ACOT7: variants seen among roughly 807,000 people sequenced by gnomAD.
The protein encoded by ACOT7 is cytosolic acyl coenzyme A thioester hydrolase.
ACOT7 carries 12 observed loss-of-function variants against 40.2 expected under a neutral mutation model. The ratio of observed to expected loss-of-function variants is 0.30; its 90% CI spans 0.19 to 0.48. The LOEUF (loss-of-function observed/expected upper bound fraction) is 0.48. Among genes scored for constraint, ACOT7 ranks in the 20% least tolerant of loss-of-function variants. The pLI is 0.99. For synonymous variants in ACOT7, 228 were observed against 219.5 expected (o/e 1.04, Z -0.34); for missense variants, 395 against 530.8 (o/e 0.74, Z 2.51).
intron 7 of ACOT7, among the ~76,000 whole-genome samples, chr1:6,287,191 T>C (rs1212411920): frequency 6.6e-5 from 10 of 152,250 alleles, no homozygotes. Flanking sequence ...AAGGTGGCTG[T>C]AGCCGCATGT....
Position 6,294,984 on chromosome 1 carries a change from C to A in ACOT7, c.713-4G>T. On this transcript the variant is annotated splice_polypyrimidine_tract_variant and splice_region_variant and intron_variant, in intron 6 of 8. Coordinates refer to ENST00000361521, the MANE Select transcript of ACOT7 (RefSeq NM_007274.4). This position sits in a 1 kb window ranked among gnomAD's most constrained non-coding sequence, Gnocchi z 4.6. ...TCCATGAGCTTCATGGTCACACCTGCGGAGAAAGGGACATGCGGCAGATGA... is the reference window on the plus strand; with the variant it reads ...TCCATGAGCTTCATGGTCACACCTGAGGAGAAAGGGACATGCGGCAGATGA... 4.4e-6 allele frequency: 7 copies of A among 1,608,256 alleles called. 1 individual carries two copies. The highest frequency in any genetic ancestry group is 2.2e-5 in the South Asian group (2 of 90,968).
At chr1:6,268,649 GTGA>G (rs1638924091) in intron 8 of ACOT7, among the ~76,000 whole-genome samples, 1 of 152,236 alleles carries the variant, frequency 6.6e-6, no homozygotes, top group Non-Finnish European at 1.5e-5. Flanking sequence ...TCATAGGTGT[GTGA>G]TGGGCCCCAG....
chr1:6,385,393 C>CT (rs1642418584), intron 1 of ACOT7: 1 of 1,402,894 alleles, frequency 7.1e-7, no homozygotes, highest in African/African-American at 1.4e-5. Context: ...CCCTACTACC[C>CT]TCCCCAAAAC....
At chr1:6,308,818 A>G (rs1234910829) in intron 6 of ACOT7, among the ~76,000 whole-genome samples, 1 of 152,088 alleles carries the variant, frequency 6.6e-6, no homozygotes. Context: ...CGGAGGGAAA[A>G]GCGACTGGGC....
rs140783513 is a variant in ACOT7, at chr1:6,301,394, C to T, written c.713-6414G>A. Among the ~76,000 whole-genome samples, 37 of 152,304 alleles carry T rather than the reference C, an allele frequency of 2.4e-4. 1 individual carries two copies. In the East Asian group the frequency reaches 5.6e-3, roughly 23 times the overall value. ...TGAAAACCGCTCAGGATCCAAAGCA[C>T]GTGACAGTCAACCCCGAGGGGAAGA... On this transcript the variant is annotated intron_variant, in intron 6 of 8. Coordinates refer to ENST00000361521, the MANE Select transcript of ACOT7 (RefSeq NM_007274.4). This position sits in a 1 kb window ranked among gnomAD's most constrained non-coding sequence, Gnocchi z 4.1.
In ACOT7 at chr1:6,393,558, G is replaced by T. The variant is rs1204532336; in HGVS notation, c.-159C>A. 3.3e-6 allele frequency: 2 copies of T among 615,042 alleles called. No individual in the cohort carries two copies. Among genetic ancestry groups the T allele is most frequent in the East Asian group, 8.3e-5 (2 of 24,198 alleles). The allele number at this position is 615,042 out of a possible 1,614,324, so 38.1% of individuals were successfully genotyped here. ...CCAAGGCTGCAGAGAGCTCGCGCGG[G>T]CGTACGATTCTGGCGGCGTGGGGGC... On this transcript the variant is annotated 5_prime_UTR_variant, in exon 1 of 9. Coordinates refer to ENST00000361521, the MANE Select transcript of ACOT7 (RefSeq NM_007274.4).
intron 7 of ACOT7, among the ~76,000 whole-genome samples, chr1:6,291,943 G>T (rs1639677350): frequency 6.6e-6 from 1 of 152,206 alleles, no homozygotes; most frequent in Admixed American, 6.5e-5. Flanking sequence ...CTAAGGTGCA[G>T]TATCCTAGGA....
chr1:6,268,155 G>T (rs1302157092), intron 8 of ACOT7, among the ~76,000 whole-genome samples: 2 of 152,168 alleles, frequency 1.3e-5, no homozygotes, highest in Admixed American at 1.3e-4. Context: ...ATAGACTGTG[G>T]CGGGGGATGT....
At chr1:6,302,318 A>G (rs1292528333) in intron 6 of ACOT7, among the ~76,000 whole-genome samples, 2 of 152,032 alleles carry the variant, frequency 1.3e-5, no homozygotes, top group African/African-American at 4.8e-5. Flanking sequence ...TCATAGTAGG[A>G]TCCTGGGCCA....
At chr1:6,366,611 C>G (rs544712706) in intron 1 of ACOT7, among the ~76,000 whole-genome samples, 1 of 150,874 alleles carries the variant, frequency 6.6e-6, no homozygotes, top group African/African-American at 2.4e-5. Context: ...AAAAAGATTT[C>G]TCTGTAGCAT....
intron 6 of ACOT7, among the ~76,000 whole-genome samples, chr1:6,305,270 C>T (rs530197181): frequency 7.5e-4 from 110 of 146,690 alleles, no homozygotes; most frequent in Middle Eastern, 7.4e-3. Flanking sequence ...ACCTCCCTCC[C>T]GGACGGGGCG....
chr1:6,353,403 G>C (rs921425007), intron 1 of ACOT7, among the ~76,000 whole-genome samples: 1 of 152,070 alleles, frequency 6.6e-6, no homozygotes, highest in Admixed American at 6.6e-5. Context: ...AGGCCGAGGC[G>C]GGGGCGGATC....
rs1641825978 is a variant in ACOT7 at position 6,358,958 on chromosome 1, G to A, written c.144-9092C>T. The stretch of plus-strand genomic sequence containing the variant: ...CCAGCTCCCTGCCACACCGGGCTTG[G>A]TGGGGAGCACCCCCCACCCCCAGCT... On this transcript the variant is annotated intron_variant, in intron 1 of 8. Transcript: ENST00000361521. The surrounding 1 kb of genome is among the most constrained non-coding windows in gnomAD (Gnocchi z 4.1). 2 of 1,497,722 alleles carry A rather than the reference G, an allele frequency of 1.3e-6. No individual in the cohort carries two copies. The highest frequency in any genetic ancestry group is 1.8e-6 in the Non-Finnish European group (2 of 1,114,936). The allele number at this position is 1,497,722 out of a possible 1,614,324, so 92.8% of individuals were successfully genotyped here.
Position 6,388,491 on chromosome 1 carries a change from C to A in ACOT7, c.143+4766G>T, listed in dbSNP as rs1467855825. ...CAGTGGCTCACACCTGTAATTCCAG[C>A]ACTTTGGGAGGCCGAGGCGGGCAGA... On this transcript the variant is annotated intron_variant, in intron 1 of 8. Coordinates refer to ENST00000361521, the MANE Select transcript of ACOT7 (RefSeq NM_007274.4). 5.3e-5 allele frequency among the ~76,000 whole-genome samples: 8 copies of A among 151,432 alleles called. No homozygotes were observed. In the East Asian group the frequency reaches 1.6e-3, roughly 30 times the overall value.
rs944419102 is a variant in ACOT7, at chr1:6,359,789, A to T, written c.144-9923T>A. On this transcript the variant is annotated intron_variant, in intron 1 of 8. Transcript: ENST00000361521. This position sits in a 1 kb window ranked among gnomAD's most constrained non-coding sequence, Gnocchi z 4.1. ...CAGGAATCCTGTGACCAGCAAGGGA[A>T]ATGGAAAGTCCCCAGCCAGAGTGCA... Among the ~76,000 whole-genome samples, 2 of 152,206 alleles carry T rather than the reference A, an allele frequency of 1.3e-5. No homozygotes were observed. Among genetic ancestry groups the T allele is most frequent in the Non-Finnish European group, 2.9e-5 (2 of 68,042 alleles).
intron 8 of ACOT7, among the ~76,000 whole-genome samples, chr1:6,265,339 G>A (rs548133172): frequency 6.6e-6 from 1 of 152,318 alleles, no homozygotes; most frequent in Non-Finnish European, 1.5e-5. Context: ...TTGCCCCAGC[G>A]AGAAGTGGGC....
chr1:6,269,546 T>C (rs948912119), intron 8 of ACOT7, among the ~76,000 whole-genome samples: 3 of 152,238 alleles, frequency 2.0e-5, no homozygotes, highest in South Asian at 2.1e-4. Flanking sequence ...ATACACAGCC[T>C]GAGGCGGGCA....
rs1641841798 is a variant in ACOT7, at chr1:6,359,580, G to A, written c.144-9714C>T. Among the ~76,000 whole-genome samples the A allele has an allele frequency of 6.6e-6, 1 of 152,114 alleles. No individual in the cohort carries two copies. Among genetic ancestry groups the A allele is most frequent in the Non-Finnish European group, 1.5e-5 (1 of 68,024 alleles). On this transcript the variant is annotated intron_variant, in intron 1 of 8. Coordinates refer to ENST00000361521, the MANE Select transcript of ACOT7 (RefSeq NM_007274.4). This position sits in a 1 kb window ranked among gnomAD's most constrained non-coding sequence, Gnocchi z 4.1. ...TTAGGCTGCCGGCTGCCACCTGTGG[G>A]CCCTGTGCCCCCCAACCCGTACTCT...
intron 7 of ACOT7, among the ~76,000 whole-genome samples, chr1:6,284,545 C>T (rs1425639483): frequency 7.2e-6 from 1 of 138,588 alleles, no homozygotes; most frequent in Non-Finnish European, 1.5e-5. Context: ...CATTGCACTC[C>T]AGCCTGGGCA....
Sources: allele counts gnomAD v4.1 joint callset (sites outside exome capture counted in the v4.1 genomes callset), GRCh38; gene constraint gnomAD v4.1.1; non-coding constraint Gnocchi (gnomAD v3.1); transcripts MANE v1.5; gene names NCBI Gene and HGNC (gene_info 2026-07-23, HGNC 2026-07-21).